The following AGAP1 variants were observed in gnomAD, a reference collection of about 807,000 sequenced individuals.
AGAP1 encodes the protein ArfGAP with GTPase domain, ankyrin repeat and PH domain 1.
A neutral mutation model predicts 105.3 loss-of-function variants in AGAP1; 29 were observed. The ratio of observed to expected loss-of-function variants is 0.28; its 90% CI spans 0.21 to 0.38. The LOEUF (loss-of-function observed/expected upper bound fraction) is 0.38. AGAP1 is among the 10% of genes least tolerant of loss of function. The pLI, the probability that AGAP1 is intolerant of heterozygous loss-of-function variation, is 1.00. For missense variants in AGAP1, 998 were observed against 1,165.1 expected (o/e 0.86, Z 2.09); for synonymous variants, 509 against 485.9 (o/e 1.05, Z -0.63).
chr2:235,790,176 T>A (rs1196958873), intron 6 of AGAP1, among the ~76,000 whole-genome samples: 1 of 152,136 alleles, frequency 6.6e-6, no homozygotes, highest in East Asian at 1.9e-4. Context: ...TCGCCGTGCT[T>A]ATGGGAAGAT....
At chr2:235,928,071 G>A (rs2052539332) in intron 11 of AGAP1, among the ~76,000 whole-genome samples, 1 of 152,216 alleles carries the variant, frequency 6.6e-6, no homozygotes, top group Non-Finnish European at 1.5e-5. Context: ...TGGCACAGCA[G>A]TCAGGGTCCC....
chr2:235,948,908 A>G (rs1681559828), intron 12 of AGAP1, among the ~76,000 whole-genome samples: 1 of 152,258 alleles, frequency 6.6e-6, no homozygotes, highest in Admixed American at 6.5e-5. Context: ...TCCCGTGTCC[A>G]GTAAAGCAGA....
In AGAP1 at chr2:235,931,791, A is replaced by C. The variant is rs1247086067; in HGVS notation, c.1483+868A>C. Among the ~76,000 whole-genome samples, 1 of 151,936 alleles carries C rather than the reference A, an allele frequency of 6.6e-6. No homozygotes were observed. The highest frequency in any genetic ancestry group is 1.5e-5 in the Non-Finnish European group (1 of 68,004). ...TATTTCTAGTGGCTCCGCAGACGCCACCAAGCAGAAGCCTTAAAGGAAGAC... is the reference window on the plus strand; with the variant it reads ...TATTTCTAGTGGCTCCGCAGACGCCCCCAAGCAGAAGCCTTAAAGGAAGAC... On this transcript the variant is annotated intron_variant, in intron 12 of 17. Transcript: ENST00000304032. This position sits in a 1 kb window ranked among gnomAD's most constrained non-coding sequence, Gnocchi z 5.6.
Position 235,866,318 on chromosome 2 carries a change from C to T in AGAP1, c.1051-17027C>T, listed in dbSNP as rs928139672. Among the ~76,000 whole-genome samples, 2 of 152,104 alleles carry T rather than the reference C, an allele frequency of 1.3e-5. No homozygotes were observed. Among genetic ancestry groups the T allele is most frequent in the South Asian group, 4.2e-4 (2 of 4,812 alleles). The stretch of plus-strand genomic sequence containing the variant: ...AGCCGACTCAGACAGTCCTGACTCC[C>T]CAGAATTCCCACCGAGGGAGACAAT... On this transcript the variant is annotated intron_variant, in intron 9 of 17. Coordinates refer to ENST00000304032, the MANE Select transcript of AGAP1 (RefSeq NM_001037131.3). This position sits in a 1 kb window ranked among gnomAD's most constrained non-coding sequence, Gnocchi z 6.1.
chr2:235,528,367 C>T (rs1233279393), intron 1 of AGAP1, among the ~76,000 whole-genome samples: 1 of 150,078 alleles, frequency 6.7e-6, no homozygotes, highest in Admixed American at 6.6e-5. Flanking sequence ...CTCCCCCGCC[C>T]CCTCCCCTCC....
intron 1 of AGAP1, among the ~76,000 whole-genome samples, chr2:235,706,305 A>G (rs1575180550): frequency 6.6e-6 from 1 of 152,032 alleles, no homozygotes; most frequent in Non-Finnish European, 1.5e-5. Flanking sequence ...GCTCACTGCA[A>G]CCTCCGCCTC....
intron 3 of AGAP1, among the ~76,000 whole-genome samples, chr2:235,722,670 A>G (rs1373295705): frequency 1.3e-5 from 2 of 152,162 alleles, no homozygotes; most frequent in African/African-American, 4.8e-5. Flanking sequence ...TCCCATCTGC[A>G]AAGACCCTCT....
Position 235,906,662 on chromosome 2 carries a change from C to A in AGAP1, c.1156-2076C>A, listed in dbSNP as rs544422735. Among the ~76,000 whole-genome samples the A allele has an allele frequency of 7.2e-5, 11 of 152,284 alleles. No individual in the cohort carries two copies. The South Asian group carries it at 1.9e-3, about 26-fold the overall frequency. On this transcript the variant is annotated intron_variant, in intron 10 of 17. Coordinates refer to ENST00000304032, the MANE Select transcript of AGAP1 (RefSeq NM_001037131.3). This position sits in a 1 kb window ranked among gnomAD's most constrained non-coding sequence, Gnocchi z 5.3. ...TTGGTTGCGGGAAGGTCTACATTGT[C>A]ACACCCCAGGCTCACCCACCTGACC... is the stretch of plus-strand genomic sequence containing the variant.
intron 1 of AGAP1, among the ~76,000 whole-genome samples, chr2:235,687,180 T>G (rs911189159): frequency 1.3e-5 from 2 of 152,228 alleles, no homozygotes; most frequent in Admixed American, 1.3e-4. Flanking sequence ...AACATTGTTC[T>G]CAACAGAAGA....
Position 235,692,488 on chromosome 2 carries a change from T to A in AGAP1, c.164-16691T>A, listed in dbSNP as rs1360671999. Among the ~76,000 whole-genome samples, 1 of 152,086 alleles carries A rather than the reference T, an allele frequency of 6.6e-6. No homozygotes were observed. The highest frequency in any genetic ancestry group is 1.5e-5 in the Non-Finnish European group (1 of 68,006). On this transcript the variant is annotated intron_variant, in intron 1 of 17. Coordinates refer to ENST00000304032, the MANE Select transcript of AGAP1 (RefSeq NM_001037131.3). This position sits in a 1 kb window ranked among gnomAD's most constrained non-coding sequence, Gnocchi z 5.8. The stretch of plus-strand genomic sequence containing the variant: ...AGCCACCAGGTGACTTCCACTGCCG[T>A]TAGAATGAAACCCAAACTCTGCACT...
chr2:235,909,102 G>A (rs952169348), intron 11 of AGAP1, among the ~76,000 whole-genome samples, 196 bp downstream of exon 11: 1 of 152,172 alleles, frequency 6.6e-6, no homozygotes, highest in Non-Finnish European at 1.5e-5. Flanking sequence ...GCGAGCAAAT[G>A]GTGCTTTGAG....
chr2:235,563,768 G>A (rs775062965), intron 1 of AGAP1, among the ~76,000 whole-genome samples: 24 of 152,192 alleles, frequency 1.6e-4, no homozygotes, highest in Non-Finnish European at 2.8e-4. Context: ...AGCGTTTCTT[G>A]AGGGTCTGGT....
rs1440938544 is a variant in AGAP1 at position 235,965,488 on chromosome 2, AC to A, written c.1484-2971del. Reference sequence around the variant, plus strand: ...TCAGGAAGAAACACAGTGGATTTAAACCCTCTATCTGGATAGGAACCTTGTC... The same window carrying A: ...TCAGGAAGAAACACAGTGGATTTAAACCTCTATCTGGATAGGAACCTTGTC... On this transcript the variant is annotated intron_variant, in intron 12 of 17. Transcript: ENST00000304032. This position sits in a 1 kb window ranked among gnomAD's most constrained non-coding sequence, Gnocchi z 5.8. 6.6e-6 allele frequency among the ~76,000 whole-genome samples: 1 copy of A among 152,066 alleles called. No individual in the cohort carries two copies. Among genetic ancestry groups the A allele is most frequent in the Non-Finnish European group, 1.5e-5 (1 of 68,020 alleles).
intron 1 of AGAP1, among the ~76,000 whole-genome samples, chr2:235,526,481 G>C (rs1942843835): frequency 6.6e-6 from 1 of 152,174 alleles, no homozygotes; most frequent in African/African-American, 2.4e-5. Context: ...CTGTGAATTA[G>C]ATTTTTAGTT....
intron 1 of AGAP1, among the ~76,000 whole-genome samples, chr2:235,524,967 C>G (rs1341587886): frequency 6.6e-6 from 1 of 152,192 alleles, no homozygotes; most frequent in African/African-American, 2.4e-5. Flanking sequence ...TTAAGAAAAG[C>G]TTTAAAATAT....
At chr2:236,031,086 T>G (rs979795077) in intron 13 of AGAP1, among the ~76,000 whole-genome samples, 2 of 152,180 alleles carry the variant, frequency 1.3e-5, no homozygotes, top group African/African-American at 4.8e-5. Context: ...AGGACAAAGT[T>G]TTTGAGAAAC....
In AGAP1 at chr2:235,574,479, G is replaced by A. The variant is rs1228125353; in HGVS notation, c.163+79630G>A. On this transcript the variant is annotated intron_variant, in intron 1 of 17. Transcript: ENST00000304032. The surrounding 1 kb of genome is among the most constrained non-coding windows in gnomAD (Gnocchi z 5.0). ...CCACTGGGAAGAGCCCTTTTTGGCA[G>A]TGTAGTTTCTCTTTTAATAGCTGTG... Among the ~76,000 whole-genome samples, 1 of 152,196 alleles carries A rather than the reference G, an allele frequency of 6.6e-6. No individual in the cohort carries two copies. The highest frequency in any genetic ancestry group is 1.9e-4 in the East Asian group (1 of 5,202).
In AGAP1 at chr2:235,550,231, C is replaced by CT. The variant is rs1463869134; in HGVS notation, c.163+55383dup. On this transcript the variant is annotated intron_variant, in intron 1 of 17. Coordinates refer to ENST00000304032, the MANE Select transcript of AGAP1 (RefSeq NM_001037131.3). The surrounding 1 kb of genome is among the most constrained non-coding windows in gnomAD (Gnocchi z 4.6). ...GCACACAGGCAGCCCGAGGCACCTCCTCGTCACAGTGTTCTCCGCAGCCCT... is the reference window on the plus strand; with the variant it reads ...GCACACAGGCAGCCCGAGGCACCTCCTTCGTCACAGTGTTCTCCGCAGCCCT... 6.6e-6 allele frequency among the ~76,000 whole-genome samples: 1 copy of CT among 152,176 alleles called. No homozygotes were observed. Among genetic ancestry groups the CT allele is most frequent in the Non-Finnish European group, 1.5e-5 (1 of 68,010 alleles).
rs1445093152 is a variant in AGAP1 at position 236,038,857 on chromosome 2, A to G, written c.1801-1894A>G. On this transcript the variant is annotated intron_variant, in intron 14 of 17. Transcript: ENST00000304032. The surrounding 1 kb of genome is among the most constrained non-coding windows in gnomAD (Gnocchi z 4.5). Reference sequence around the variant, plus strand: ...TGTGTGTGTGTGTGTGTGATCACACACTTGCATTCCAGATGCCAGTGTAAA... The same window carrying G: ...TGTGTGTGTGTGTGTGTGATCACACGCTTGCATTCCAGATGCCAGTGTAAA... Among the ~76,000 whole-genome samples the G allele has an allele frequency of 6.7e-6, 1 of 149,806 alleles. No homozygotes were observed. Among genetic ancestry groups the G allele is most frequent in the Non-Finnish European group, 1.5e-5 (1 of 67,992 alleles).
Sources: allele counts gnomAD v4.1 joint callset (sites outside exome capture counted in the v4.1 genomes callset), GRCh38; gene constraint gnomAD v4.1.1; non-coding constraint Gnocchi (gnomAD v3.1); transcripts MANE v1.5; gene names NCBI Gene and HGNC (gene_info 2026-07-23, HGNC 2026-07-21).